The following C8orf34 variants were observed in gnomAD, a reference collection of about 807,000 sequenced individuals.
C8orf34 encodes the protein chromosome 8 open reading frame 34.
C8orf34 carries 65 observed loss-of-function variants against 68.3 expected under a neutral mutation model. The ratio of observed to expected loss-of-function variants is 0.95; its 90% CI spans 0.78 to 1.17. C8orf34 has a LOEUF of 1.17. C8orf34 is among the 50% of genes most tolerant of loss of function. The pLI, the probability that C8orf34 is intolerant of heterozygous loss-of-function variation, is 0.00. For missense variants in C8orf34, 664 were observed against 655.4 expected (o/e 1.01, Z -0.14); for synonymous variants, 244 against 241.2 (o/e 1.01, Z -0.11).
chr8:68,816,192 G>A (rs1213859734), intron 13 of C8orf34, among the ~76,000 whole-genome samples: 1 of 150,614 alleles, frequency 6.6e-6, no homozygotes, highest in Non-Finnish European at 1.5e-5. Context: ...TTCTCATTTA[G>A]TCTGCACTCT....
chr8:68,704,581 C>T (rs1274157622), intron 8 of C8orf34, among the ~76,000 whole-genome samples: 2 of 151,960 alleles, frequency 1.3e-5, no homozygotes, highest in Non-Finnish European at 1.5e-5. Flanking sequence ...TTCTAAAATC[C>T]TTGTGAGTCA....
chr8:68,386,313 A>G (rs570628244), intron 1 of C8orf34, among the ~76,000 whole-genome samples: 1 of 152,344 alleles, frequency 6.6e-6, no homozygotes, highest in Non-Finnish European at 1.5e-5. Context: ...TTTAATTTAG[A>G]ATATTCCAAA....
Position 68,331,067 on chromosome 8 carries a change from T to A in C8orf34, c.55T>A (p.Phe19Ile). 6.7e-7 allele frequency: 1 copy of A among 1,486,676 alleles called. No homozygotes were observed. Among genetic ancestry groups the A allele is most frequent in the Non-Finnish European group, 8.9e-7 (1 of 1,129,452 alleles). The allele number at this position is 1,486,676 out of a possible 1,614,324, so 92.1% of individuals were successfully genotyped here. A position where few individuals can be genotyped will look rare whatever the true frequency, so the allele number is the denominator to read the frequency against. ...TGAGTTGGCGGCGCTGCGCCCAGGCTTCCGGCTCTCAGCGCCCCACGCGCG... is the reference window on the plus strand; with the variant it reads ...TGAGTTGGCGGCGCTGCGCCCAGGCATCCGGCTCTCAGCGCCCCACGCGCG... ...LSELAALRPG[F>I]RLSAPHARVA... The change falls in exon 1 of 14, where the codon TTC (phenylalanine) becomes ATC (isoleucine). Residue 19 changes from phenylalanine (F) to isoleucine (I), a missense_variant. Transcript: ENST00000518698.
At chr8:68,659,282 T>C (rs892210399) in intron 8 of C8orf34, among the ~76,000 whole-genome samples, 1 of 152,192 alleles carries the variant, frequency 6.6e-6, no homozygotes, top group African/African-American at 2.4e-5. Context: ...CTTGATTTAA[T>C]ATTGGAGCAC....
chr8:68,384,329 A>G lies in C8orf34; in HGVS notation c.327+52990A>G, dbSNP rs77769865. Among the ~76,000 whole-genome samples the G allele has an allele frequency of 7.9e-5, 12 of 152,336 alleles. No individual in the cohort carries two copies. In the East Asian group the frequency reaches 2.3e-3, roughly 29 times the overall value. ...CTTTTGCCAGTTTAGTGTTGAAAGT[A>G]CTAATATCTTGCTGTTTGCATCACT... On this transcript the variant is annotated intron_variant, in intron 1 of 13. Transcript: ENST00000518698.
At chr8:68,618,431 A>C (rs575414256) in intron 7 of C8orf34, among the ~76,000 whole-genome samples, 20 of 152,096 alleles carry the variant, frequency 1.3e-4, no homozygotes, top group Non-Finnish European at 2.5e-4. Context: ...GGCTCACTGA[A>C]ACCTGCTTCC....
intron 6 of C8orf34, chr8:68,525,581 A>T (rs960968391): frequency 2.2e-6 from 2 of 898,398 alleles, no homozygotes; most frequent in Non-Finnish European, 3.6e-6. Context: ...GTGGTCCATG[A>T]TGCCAGCTGA....
At chr8:68,728,759 AC>A (rs2129526776) in intron 10 of C8orf34, among the ~76,000 whole-genome samples, 1 of 152,348 alleles carries the variant, frequency 6.6e-6, no homozygotes, top group African/African-American at 2.4e-5. Context: ...TCTGAGAGAT[AC>A]AATTCAAGTT....
intron 1 of C8orf34, among the ~76,000 whole-genome samples, chr8:68,382,220 C>A (rs550362018): frequency 2.6e-5 from 4 of 152,204 alleles, no homozygotes; most frequent in South Asian, 4.1e-4. Context: ...CCTAGTAATT[C>A]TTGTTGATTA....
chr8:68,492,172 G>C (rs1166227660), intron 5 of C8orf34, among the ~76,000 whole-genome samples: 1 of 152,002 alleles, frequency 6.6e-6, no homozygotes, highest in African/African-American at 2.4e-5. Flanking sequence ...TTTTTTTCTT[G>C]ACTCTCTAGT....
At chr8:68,684,472 T>G (rs954059230) in intron 8 of C8orf34, among the ~76,000 whole-genome samples, 2 of 152,176 alleles carry the variant, frequency 1.3e-5, no homozygotes, top group African/African-American at 4.8e-5. Flanking sequence ...TACAAAGTAC[T>G]GCAAACAAGA....
At chr8:68,605,455 A>G (rs976904487) in intron 7 of C8orf34, among the ~76,000 whole-genome samples, 3 of 152,148 alleles carry the variant, frequency 2.0e-5, no homozygotes, top group African/African-American at 7.2e-5. Context: ...CTCGGAAGAA[A>G]CTAAGATGTT....
chr8:68,383,538 G>C (rs1393179282), intron 1 of C8orf34, among the ~76,000 whole-genome samples: 1 of 152,052 alleles, frequency 6.6e-6, no homozygotes, highest in Non-Finnish European at 1.5e-5. Flanking sequence ...AGTATACTCG[G>C]GTCTAGAATG....
chr8:68,722,321 T>C (rs539913170), intron 10 of C8orf34, among the ~76,000 whole-genome samples: 24 of 152,022 alleles, frequency 1.6e-4, no homozygotes, highest in Non-Finnish European at 8.8e-5. Flanking sequence ...TAACCTCCTT[T>C]AACTTAATTA....
At chr8:68,433,908 G>A (rs892745341) in intron 1 of C8orf34, among the ~76,000 whole-genome samples, 1 of 152,132 alleles carries the variant, frequency 6.6e-6, no homozygotes, top group East Asian at 1.9e-4. Flanking sequence ...ATTTTGAGAC[G>A]ATCATTGTTA....
chr8:68,714,309 G>A (rs747130311), intron 9 of C8orf34, among the ~76,000 whole-genome samples: 18 of 151,874 alleles, frequency 1.2e-4, no homozygotes, highest in Non-Finnish European at 2.2e-4. Context: ...AAGAGACGGA[G>A]TAAAGGGCAT....
intron 5 of C8orf34, among the ~76,000 whole-genome samples, chr8:68,517,648 A>G (rs1814577302): frequency 6.6e-6 from 1 of 152,212 alleles, no homozygotes; most frequent in South Asian, 2.1e-4. Flanking sequence ...TTTCCTAGTA[A>G]GCAACCAGGG....
At chr8:68,383,470 G>T (rs1447967184) in intron 1 of C8orf34, among the ~76,000 whole-genome samples, 2 of 152,106 alleles carry the variant, frequency 1.3e-5, no homozygotes, top group Non-Finnish European at 2.9e-5. Context: ...AATATTTAAA[G>T]TTCATAGTTT....
At chr8:68,731,903 T>C (rs889020606) in intron 10 of C8orf34, among the ~76,000 whole-genome samples, 1 of 152,268 alleles carries the variant, frequency 6.6e-6, no homozygotes, top group African/African-American at 2.4e-5. Context: ...ATCATTGGGA[T>C]TGGTGACAGA....
Sources: allele counts gnomAD v4.1 joint callset (sites outside exome capture counted in the v4.1 genomes callset), GRCh38; gene constraint gnomAD v4.1.1; transcripts MANE v1.5; gene names NCBI Gene and HGNC (gene_info 2026-07-23, HGNC 2026-07-21).